Variants in ERCC8 observed in about 807,000 individuals in gnomAD.
ERCC8 encodes ERCC excision repair 8, CSA ubiquitin ligase complex subunit, also known as DNA excision repair protein ERCC-8.
In ERCC8, 52 loss-of-function variants were observed where a neutral mutation model predicts 54.9. The observed-to-expected ratio is 0.95, with a 90% CI of 0.76 to 1.19. The LOEUF is 1.19. ERCC8 is among the 50% of genes most tolerant of loss of function. The probability of loss-of-function intolerance (pLI) is 0.00; values close to 1 mark genes in which losing one functional copy is unlikely to be tolerated. For missense variants in ERCC8, 514 were observed against 466.1 expected (o/e 1.10, Z -0.95); for synonymous variants, 146 against 157.2 (o/e 0.93, Z 0.53).
chr5:60,914,175 A>G (rs1006217260), intron 4 of ERCC8, among the ~76,000 whole-genome samples: 4 of 152,128 alleles, frequency 2.6e-5, no homozygotes, highest in African/African-American at 7.2e-5. Flanking sequence ...TGATCTGTCT[A>G]ATGTTGAGAG....
chr5:60,922,084 T>C lies in ERCC8; in HGVS notation c.245A>G (p.Tyr82Cys), dbSNP rs777407519. Residue 82 changes from tyrosine (Y) to cysteine (C), a missense_variant, in exon 3 of 12, where the codon TAC becomes TGC. Physicochemically the swap from Tyr to Cys is radical, Grantham distance 194. Coordinates refer to ENST00000676185, the MANE Select transcript of ERCC8 (RefSeq NM_000082.4). Reference protein sequence around the residue: ...DLENSSRQSYYTCKAVCSIGR... With the variant: ...DLENSSRQSYCTCKAVCSIGR... ...AATGGAACACACTGCTTTACATGTGTAATAAGATTGTCTGCTGGAGTTCTC... is the reference window on the plus strand; with the variant it reads ...AATGGAACACACTGCTTTACATGTGCAATAAGATTGTCTGCTGGAGTTCTC... 2 of 1,610,306 alleles carry C rather than the reference T, an allele frequency of 1.2e-6. No homozygotes were observed.
chr5:60,900,108 A>G (rs1402496242), intron 7 of ERCC8, among the ~76,000 whole-genome samples: 1 of 152,034 alleles, frequency 6.6e-6, no homozygotes, highest in African/African-American at 2.4e-5. Flanking sequence ...AAGACAAGCA[A>G]TTAACTAATT....
At position 60,874,621 on chromosome 5, in the gene ERCC8, T is replaced by G; in HGVS notation, c.1185A>C (p.Glu395Asp). 2 of 1,613,458 alleles carry G rather than the reference T, an allele frequency of 1.2e-6. No individual in the cohort carries two copies. Among genetic ancestry groups the G allele is most frequent in the Non-Finnish European group, 8.5e-7 (1 of 1,179,642 alleles). The change falls in exon 12 of 12, where the codon GAA becomes GAC. Residue 395 changes from glutamate to aspartate, a missense_variant. Coordinates refer to ENST00000676185, the MANE Select transcript of ERCC8 (RefSeq NM_000082.4). ...AAGGTACTAAAGATGATATTCATCC[T>G]TCTTCATCACTGCTGCTCCAGGCAT... Reference protein sequence around the residue: ...FEDAWSSSDEEG With the variant: ...FEDAWSSSDEDG
chr5:60,894,086 G>A (rs1251818968), intron 9 of ERCC8, among the ~76,000 whole-genome samples: 1 of 150,304 alleles, frequency 6.7e-6, no homozygotes, highest in African/African-American at 2.4e-5. Context: ...CCGGGTTCAC[G>A]CCATTCTCCT....
chr5:60,880,047 T>G (rs1349871397), intron 11 of ERCC8, among the ~76,000 whole-genome samples: 3 of 152,278 alleles, frequency 2.0e-5, no homozygotes, highest in East Asian at 1.9e-4. Context: ...AGGAGCTCTT[T>G]TAGGGCAGGC....
chr5:60,920,945 G>C (rs1749582456), intron 3 of ERCC8, among the ~76,000 whole-genome samples: 1 of 151,718 alleles, frequency 6.6e-6, no homozygotes. Flanking sequence ...TTTTGTTATT[G>C]AGGGTGGGAA....
chr5:60,876,055 T>C (rs1482111632), intron 11 of ERCC8, among the ~76,000 whole-genome samples: 1 of 147,826 alleles, frequency 6.8e-6, no homozygotes, highest in African/African-American at 2.5e-5. Context: ...CAGGTCCCGG[T>C]GTGTGATGTT....
intron 4 of ERCC8, among the ~76,000 whole-genome samples, chr5:60,908,585 T>TATA (rs1202245698): frequency 3.0e-4 from 39 of 132,158 alleles, no homozygotes; most frequent in African/African-American, 1.2e-3. Flanking sequence ...ATATATATAT[T>TATA]TTTTTTTTAA....
Position 60,868,715 on chromosome 5 carries a change from T to C in ERCC8, c.*5900A>G, listed in dbSNP as rs548222303. Among the ~76,000 whole-genome samples the C allele has an allele frequency of 1.1e-3, 172 of 152,304 alleles. No homozygotes were observed. Among genetic ancestry groups the C allele is most frequent in the African/African-American group, 3.9e-3 (164 of 41,574 alleles). Reference sequence around the variant, plus strand: ...GCACCCAGGAGGTTTACAACAGTGATTCTAGGTAGCACATTAAGAACTACA... The same window carrying C: ...GCACCCAGGAGGTTTACAACAGTGACTCTAGGTAGCACATTAAGAACTACA... On this transcript the variant is annotated 3_prime_UTR_variant, in exon 12 of 12. Coordinates refer to ENST00000676185, the MANE Select transcript of ERCC8 (RefSeq NM_000082.4).
At chr5:60,921,659 C>T (rs923128371) in intron 3 of ERCC8, among the ~76,000 whole-genome samples, 3 of 151,752 alleles carry the variant, frequency 2.0e-5, no homozygotes, top group Non-Finnish European at 4.4e-5. Context: ...AAACCTTTTT[C>T]TTCCATTAGT....
In ERCC8 at chr5:60,871,569, T is replaced by C. The variant is rs1270447264; in HGVS notation, c.*3046A>G. 1.3e-5 allele frequency among the ~76,000 whole-genome samples: 2 copies of C among 152,170 alleles called. No individual in the cohort carries two copies. The highest frequency in any genetic ancestry group is 1.5e-5 in the Non-Finnish European group (1 of 68,032). ...GAACATCCCATTATGTAAAATTATA[T>C]GTATCATAAGAGATTCATGAAGAAT... On this transcript the variant is annotated 3_prime_UTR_variant, in exon 12 of 12. Coordinates refer to ENST00000676185, the MANE Select transcript of ERCC8 (RefSeq NM_000082.4).
At chr5:60,915,330 T>C (rs1237204145) in intron 4 of ERCC8, 1 of 152,048 alleles carries the variant, frequency 6.6e-6, no homozygotes, top group Non-Finnish European at 1.5e-5. Flanking sequence ...CTGCGTTATG[T>C]TATCCTCCTC....
intron 5 of ERCC8, among the ~76,000 whole-genome samples, chr5:60,904,345 T>C (rs1244063994): frequency 6.6e-6 from 1 of 151,980 alleles, no homozygotes; most frequent in African/African-American, 2.4e-5. Flanking sequence ...TTTTTCTTCC[T>C]TATATATGAA....
At chr5:60,915,399 C>T (rs891054695) in intron 4 of ERCC8, 1 of 152,068 alleles carries the variant, frequency 6.6e-6, no homozygotes, top group Admixed American at 6.6e-5. Context: ...TCAATTCAAA[C>T]ATAAAGCTTG....
intron 1 of ERCC8, among the ~76,000 whole-genome samples, chr5:60,944,078 C>T (rs1750349217): frequency 6.6e-6 from 1 of 152,124 alleles, no homozygotes; most frequent in South Asian, 2.1e-4. Flanking sequence ...TTTGGAAAAC[C>T]CTCTCTCAGA....
chr5:60,941,605 G>C (rs1750259236), intron 1 of ERCC8, among the ~76,000 whole-genome samples: 1 of 152,160 alleles, frequency 6.6e-6, no homozygotes, highest in Non-Finnish European at 1.5e-5. Context: ...TAAATCCAAA[G>C]AGATCTGCAA....
At chr5:60,880,279 C>G (rs1748167108) in intron 11 of ERCC8, among the ~76,000 whole-genome samples, 2 of 152,206 alleles carry the variant, frequency 1.3e-5, no homozygotes, top group South Asian at 4.1e-4. Flanking sequence ...CCCGACCTTT[C>G]TCTCTGGCTG....
chr5:60,926,072 G>A (rs1473285895), intron 2 of ERCC8, among the ~76,000 whole-genome samples: 3 of 151,976 alleles, frequency 2.0e-5, no homozygotes, highest in African/African-American at 4.8e-5. Context: ...TAATCCGCCC[G>A]CCTCGGCCTC....
In ERCC8 at chr5:60,903,714, C is replaced by T; in HGVS notation, c.484G>A (p.Gly162Ser). ...AGTTGTACTTTGGGTCCTCTAGTACCAACTGTAAAAACAGAACCGGTTTAA... is the reference window on the plus strand; with the variant it reads ...AGTTGTACTTTGGGTCCTCTAGTACTAACTGTAAAAACAGAACCGGTTTAA... Reference protein sequence around the residue: ...VSTKHCLVAVGTRGPKVQLCD... With the variant: ...VSTKHCLVAVSTRGPKVQLCD... Residue 162 changes from glycine (G) to serine (S), a missense_variant and splice_region_variant, in exon 6 of 12, where the codon GGT (glycine) becomes AGT (serine). Physicochemically the swap from Gly to Ser is moderately conservative, Grantham distance 56. Coordinates refer to ENST00000676185, the MANE Select transcript of ERCC8 (RefSeq NM_000082.4). The T allele has an allele frequency of 6.2e-7, 1 of 1,612,198 alleles. No homozygotes were observed. Among genetic ancestry groups the T allele is most frequent in the Non-Finnish European group, 8.5e-7 (1 of 1,179,014 alleles).
Sources: allele counts gnomAD v4.1 joint callset (sites outside exome capture counted in the v4.1 genomes callset), GRCh38; gene constraint gnomAD v4.1.1; transcripts MANE v1.5; gene names NCBI Gene and HGNC (gene_info 2026-07-23, HGNC 2026-07-21).